Variants in LSAMP observed in about 807,000 individuals in gnomAD.
LSAMP encodes limbic system associated membrane protein, also known as limbic system-associated membrane protein.
Under a neutral mutation model 38.6 loss-of-function variants are expected in LSAMP, and 7 were observed. The observed-to-expected ratio is 0.18, with a 90% confidence interval of 0.10 to 0.34. LSAMP has a LOEUF of 0.34. Ranked by LOEUF, LSAMP falls within the 10% of genes least tolerant of loss-of-function variation. The pLI is 1.00. For synonymous variants in LSAMP, 154 were observed against 166.8 expected (o/e 0.92, Z 0.59); for missense variants, 313 against 420.0 (o/e 0.75, Z 2.23).
chr3:116,002,206 C>T (rs775918956), intron 3 of LSAMP, among the ~76,000 whole-genome samples: 2 of 152,152 alleles, frequency 1.3e-5, no homozygotes, highest in Non-Finnish European at 1.5e-5. Flanking sequence ...GCTCCCCTGG[C>T]AATTGCCCAC....
intron 3 of LSAMP, among the ~76,000 whole-genome samples, chr3:115,909,030 A>C (rs1271914622): frequency 6.6e-6 from 1 of 152,180 alleles, no homozygotes; most frequent in Non-Finnish European, 1.5e-5. Context: ...GTCTCAACTT[A>C]GAGACTAATT....
chr3:116,294,253 T>C (rs2047302012), intron 1 of LSAMP, among the ~76,000 whole-genome samples: 1 of 152,152 alleles, frequency 6.6e-6, no homozygotes, highest in South Asian at 2.1e-4. Flanking sequence ...CAACTATTAA[T>C]GGTTGAATTT....
intron 3 of LSAMP, among the ~76,000 whole-genome samples, chr3:115,861,344 G>A (rs183223957): frequency 2.6e-5 from 4 of 152,072 alleles, no homozygotes; most frequent in Admixed American, 2.0e-4. Context: ...GAGTACTAAC[G>A]TGTATTTTGA....
intron 1 of LSAMP, among the ~76,000 whole-genome samples, chr3:116,401,887 G>GTCTTATGATTT (rs2048845317): frequency 6.6e-6 from 1 of 152,090 alleles, no homozygotes; most frequent in Non-Finnish European, 1.5e-5. Flanking sequence ...GAAAGGCTAG[G>GTCTTATGATTT]TCTTATGATT....
intron 2 of LSAMP, among the ~76,000 whole-genome samples, chr3:116,032,858 G>T (rs774366240): frequency 2.0e-4 from 30 of 152,112 alleles, no homozygotes; most frequent in Non-Finnish European, 4.0e-4. Flanking sequence ...ATTAGATGCT[G>T]TCATATTGAT....
At chr3:116,444,823 C>A (rs902105415) in intron 1 of LSAMP, 54 bp downstream of exon 1, 2 of 1,592,430 alleles carry the variant, frequency 1.3e-6, no homozygotes, top group South Asian at 1.1e-5. Flanking sequence ...CACACACACA[C>A]ACACACACAC....
intron 3 of LSAMP, among the ~76,000 whole-genome samples, chr3:115,861,134 CTTCCTTCCT>C (rs1559855402): frequency 7.4e-4 from 4 of 5,392 alleles, no homozygotes; most frequent in Non-Finnish European, 1.3e-3. Context: ...TCTTTCTTTC[CTTCCTTCCT>C]TCCTTCCTTC....
chr3:115,989,734 T>G (rs1405905364), intron 3 of LSAMP, among the ~76,000 whole-genome samples: 1 of 152,096 alleles, frequency 6.6e-6, no homozygotes, highest in Admixed American at 6.6e-5. Context: ...GTCTCCGGAA[T>G]TATTGTCCTC....
chr3:115,874,082 T>C (rs1936119280), intron 3 of LSAMP, among the ~76,000 whole-genome samples: 1 of 152,182 alleles, frequency 6.6e-6, no homozygotes, highest in Non-Finnish European at 1.5e-5. Context: ...TTATTATATA[T>C]TTACATCTAA....
chr3:116,407,649 T>C (rs1250193630), intron 1 of LSAMP, among the ~76,000 whole-genome samples: 3 of 152,114 alleles, frequency 2.0e-5, no homozygotes, highest in African/African-American at 7.2e-5. Flanking sequence ...TTATTGTTCA[T>C]GTAGCAATCT....
intron 2 of LSAMP, among the ~76,000 whole-genome samples, chr3:116,071,539 A>G (rs1707606636): frequency 6.6e-6 from 1 of 152,164 alleles, no homozygotes; most frequent in Non-Finnish European, 1.5e-5. Context: ...ACCATTGTTG[A>G]TAAAATTGAG....
At chr3:116,162,768 T>TACACACACACACACACACACACACACAC (rs71141856) in intron 1 of LSAMP, among the ~76,000 whole-genome samples, 27 of 147,322 alleles carry the variant, frequency 1.8e-4, no homozygotes, top group African/African-American at 6.3e-4. Context: ...CACACACTTA[T>TACACACACACACACACACACACACACAC]ACACACACAC....
In LSAMP at chr3:115,807,875, G is replaced by T. The variant is rs1933665450; in HGVS notation, c.*2442C>A. 6.6e-6 allele frequency: 1 copy of T among 152,106 alleles called. No individual in the cohort carries two copies. The highest frequency in any genetic ancestry group is 2.1e-4 in the South Asian group (1 of 4,820). 9.4% of individuals were successfully genotyped at this position (152,106 alleles called of 1,614,324 possible). A position where few individuals can be genotyped will look rare whatever the true frequency, so the allele number is the denominator to read the frequency against. Reference sequence around the variant, plus strand: ...TTTTACTAGCTACCTTCTTGGATGAGAATTTGTTTTCTCTCCTATGTCAGA... The same window carrying T: ...TTTTACTAGCTACCTTCTTGGATGATAATTTGTTTTCTCTCCTATGTCAGA... On this transcript the variant is annotated 3_prime_UTR_variant, in exon 7 of 7. Transcript: ENST00000490035.
chr3:116,181,776 C>A (rs1476288989), intron 1 of LSAMP, among the ~76,000 whole-genome samples: 1 of 151,936 alleles, frequency 6.6e-6, no homozygotes, highest in Non-Finnish European at 1.5e-5. Flanking sequence ...TGACCCAAGA[C>A]TGATTTTCCA....
rs1250382255 is a variant in LSAMP at position 116,057,073 on chromosome 3, C to T, written c.388+29251G>A. Reference sequence around the variant, plus strand: ...AGCCTGACCTTGTCTGTGGCAACTGCTGTGACCTCTTCTTAACAGCTTTTC... The same window carrying T: ...AGCCTGACCTTGTCTGTGGCAACTGTTGTGACCTCTTCTTAACAGCTTTTC... On this transcript the variant is annotated intron_variant, in intron 2 of 6. Transcript: ENST00000490035. Among the ~76,000 whole-genome samples, 30 of 152,148 alleles carry T rather than the reference C, an allele frequency of 2.0e-4. 1 individual carries two copies. Among genetic ancestry groups the T allele is most frequent in the Non-Finnish European group, 4.4e-5 (3 of 68,026 alleles).
Position 115,915,527 on chromosome 3 carries a change from T to G in LSAMP, c.515-62910A>C, listed in dbSNP as rs143610914. On this transcript the variant is annotated intron_variant, in intron 3 of 6. Transcript: ENST00000490035. ...CTGGAATGATTTAAGAATCTGTAAC[T>G]TCTTACTCAGGATTTTCTTCCCATC... 1.4e-4 allele frequency among the ~76,000 whole-genome samples: 21 copies of G among 152,346 alleles called. No homozygotes were observed. In the East Asian group the frequency reaches 4.0e-3, roughly 29 times the overall value.
At chr3:116,242,944 A>G (rs1328879101) in intron 1 of LSAMP, among the ~76,000 whole-genome samples, 1 of 152,218 alleles carries the variant, frequency 6.6e-6, no homozygotes, top group Non-Finnish European at 1.5e-5. Context: ...AGGTCTCATC[A>G]GGAAAATGTA....
intron 1 of LSAMP, among the ~76,000 whole-genome samples, chr3:116,146,207 T>G (rs1709486686): frequency 6.6e-6 from 1 of 151,922 alleles, no homozygotes; most frequent in Admixed American, 6.6e-5. Context: ...TGTATTGGCC[T>G]ATAAAGCCTG....
intron 1 of LSAMP, among the ~76,000 whole-genome samples, chr3:116,096,628 G>A (rs762984097): frequency 4.6e-5 from 7 of 152,190 alleles, no homozygotes; most frequent in Non-Finnish European, 1.0e-4. Flanking sequence ...GGACTTAATT[G>A]TCTCACCACT....
Sources: gnomAD v4.1 joint callset for allele counts (sites outside exome capture counted in the v4.1 genomes callset) on GRCh38, gnomAD v4.1.1 for gene constraint, MANE v1.5 for transcripts, NCBI Gene and HGNC (gene_info 2026-07-23, HGNC 2026-07-21) for gene names.